The following ITPR2 variants were observed in gnomAD, a reference collection of about 807,000 sequenced individuals.
The protein encoded by ITPR2 is inositol 1,4,5-trisphosphate receptor type 2.
ITPR2 carries 207 observed loss-of-function variants against 317.1 expected under a neutral mutation model. The observed-to-expected ratio is 0.65, with a 90% CI of 0.58 to 0.73. The LOEUF is 0.73. ITPR2 is among the 30% of genes least tolerant of loss of function. The probability of loss-of-function intolerance (pLI) is 0.00; values close to 1 mark genes in which losing one functional copy is unlikely to be tolerated. For synonymous variants in ITPR2, 1,156 were observed against 1,149.1 expected (o/e 1.01, Z -0.12); for missense variants, 2,613 against 3,284.0 (o/e 0.80, Z 4.99).
At chr12:26,810,039 A>G (rs1347193000) in intron 1 of ITPR2, among the ~76,000 whole-genome samples, 2 of 152,256 alleles carry the variant, frequency 1.3e-5, no homozygotes, top group African/African-American at 2.4e-5. Context: ...CATCCACGCA[A>G]GATGATGGCA....
chr12:26,646,420 A>T (rs1276320554), intron 21 of ITPR2, among the ~76,000 whole-genome samples: 1 of 152,174 alleles, frequency 6.6e-6, no homozygotes, highest in East Asian at 1.9e-4. Context: ...TTCAAGGTAG[A>T]TAATGTGCAG....
Position 26,602,719 on chromosome 12 carries a change from C to T in ITPR2, c.3463-13G>A, listed in dbSNP as rs763577789. 75 of 1,488,812 alleles carry T rather than the reference C, an allele frequency of 5.0e-5. No homozygotes were observed. Among genetic ancestry groups the T allele is most frequent in the Middle Eastern group, 1.7e-4 (1 of 5,790 alleles). 92.2% of individuals were successfully genotyped at this position (1,488,812 alleles called of 1,614,324 possible). The stretch of plus-strand genomic sequence containing the variant: ...AAATGTTTGATTCCTAAAAGGAACA[C>T]AAATATGTACTTTTATGCCATTTGT... On this transcript the variant is annotated splice_polypyrimidine_tract_variant and intron_variant, in intron 26 of 56. Coordinates refer to ENST00000381340, the MANE Select transcript of ITPR2 (RefSeq NM_002223.4).
intron 45 of ITPR2, among the ~76,000 whole-genome samples, chr12:26,458,491 G>C (rs12308269): frequency 6.6e-6 from 1 of 152,066 alleles, no homozygotes; most frequent in East Asian, 1.9e-4. Flanking sequence ...GTCACCACCT[G>C]CACCCAAAGC....
At chr12:26,691,036 G>T (rs1948230555) in intron 10 of ITPR2, among the ~76,000 whole-genome samples, 1 of 152,182 alleles carries the variant, frequency 6.6e-6, no homozygotes, top group Non-Finnish European at 1.5e-5. Context: ...TTAAAACAGT[G>T]CTGTAGCCTT....
chr12:26,516,135 G>T (rs1943484113), intron 37 of ITPR2, among the ~76,000 whole-genome samples: 1 of 114,762 alleles, frequency 8.7e-6, no homozygotes, highest in Non-Finnish European at 1.7e-5. Context: ...AAAGAAAAAA[G>T]AAAAGAAAAG....
Position 26,428,018 on chromosome 12 carries a change from G to A in ITPR2, c.6840C>T (p.Phe2280=), listed in dbSNP as rs762839208. 2.3e-5 allele frequency: 37 copies of A among 1,612,890 alleles called. 1 individual carries two copies. The highest frequency in any genetic ancestry group is 2.8e-5 in the Non-Finnish European group (33 of 1,179,368). Residue 2280 remains phenylalanine, a synonymous_variant, in exon 49 of 57, where the codon TTC becomes TTT. Transcript: ENST00000381340. ...AVAICTSMLF[F]FSKPVGIRPF... ...GCCGAATACCCACAGGCTTGGAGAA[G>A]AAAAACAGCATAGATGTGCAGATCG...
intron 45 of ITPR2, among the ~76,000 whole-genome samples, chr12:26,470,386 G>A (rs1427107916): frequency 2.6e-5 from 4 of 152,006 alleles, no homozygotes; most frequent in Non-Finnish European, 5.9e-5. Context: ...AAATTATTCT[G>A]AAAACATAAA....
At chr12:26,797,985 C>T (rs1288001064) in intron 1 of ITPR2, among the ~76,000 whole-genome samples, 9 of 152,072 alleles carry the variant, frequency 5.9e-5, no homozygotes, top group Non-Finnish European at 1.0e-4. Context: ...AGCCACTGCG[C>T]CCAGCAGAAT....
intron 9 of ITPR2, among the ~76,000 whole-genome samples, chr12:26,706,543 A>G (rs1238307426): frequency 6.6e-6 from 1 of 151,942 alleles, no homozygotes; most frequent in Non-Finnish European, 1.5e-5. Context: ...CCTCTTCCCC[A>G]TGTGCCTTAC....
chr12:26,693,061 C>T (rs1436272340), intron 10 of ITPR2, among the ~76,000 whole-genome samples: 1 of 152,182 alleles, frequency 6.6e-6, no homozygotes, highest in African/African-American at 2.4e-5. Flanking sequence ...TATGGCTCCA[C>T]ATTCTCAATT....
intron 54 of ITPR2, among the ~76,000 whole-genome samples, chr12:26,388,630 C>CT (rs537635641): frequency 1.7e-3 from 255 of 147,224 alleles, no homozygotes; most frequent in African/African-American, 4.6e-3. Context: ...ATTTTTGTAT[C>CT]TTTTTTTTTT....
chr12:26,658,063 T>C lies in ITPR2; in HGVS notation c.1954A>G (p.Ile652Val). The change falls in exon 17 of 57, where the codon ATC becomes GTC. Residue 652 changes from isoleucine (I) to valine (V), a missense_variant. Physicochemically the swap from Ile to Val is conservative, Grantham distance 29. Transcript: ENST00000381340. ...CCTGGACTCAACATAAATTTACAGA[T>C]GAGTTCTTGAGTTACAGGGATAGCA... Reference protein sequence around the residue: ...TTAIPVTQELICKFMLSPGNA... With the variant: ...TTAIPVTQELVCKFMLSPGNA... 6.2e-7 allele frequency: 1 copy of C among 1,612,832 alleles called. No homozygotes were observed. The highest frequency in any genetic ancestry group is 8.5e-7 in the Non-Finnish European group (1 of 1,179,152).
At chr12:26,712,941 C>T (rs1420761142) in intron 8 of ITPR2, among the ~76,000 whole-genome samples, 1 of 152,206 alleles carries the variant, frequency 6.6e-6, no homozygotes, top group Non-Finnish European at 1.5e-5. Context: ...TGTGTGTGGC[C>T]CTCAGGACCA....
chr12:26,651,477 T>C (rs544447725), intron 21 of ITPR2, among the ~76,000 whole-genome samples: 13 of 152,364 alleles, frequency 8.5e-5, no homozygotes, highest in African/African-American at 2.9e-4. Flanking sequence ...TTCATTTCAT[T>C]TCTTCTTGGG....
At chr12:26,796,651 G>A (rs1288799361) in intron 1 of ITPR2, among the ~76,000 whole-genome samples, 4 of 152,232 alleles carry the variant, frequency 2.6e-5, no homozygotes, top group South Asian at 2.1e-4. Context: ...AGACATGTAC[G>A]AACAAGAGTG....
At chr12:26,720,661 T>C (rs1318881265) in intron 5 of ITPR2, among the ~76,000 whole-genome samples, 1 of 152,222 alleles carries the variant, frequency 6.6e-6, no homozygotes, top group Non-Finnish European at 1.5e-5. Flanking sequence ...GTTTCAGCCA[T>C]GCTTTCTGAA....
At chr12:26,610,086 T>C (rs1946227822) in intron 26 of ITPR2, among the ~76,000 whole-genome samples, 1 of 152,194 alleles carries the variant, frequency 6.6e-6, no homozygotes, top group Admixed American at 6.5e-5. Context: ...CCAAAACTAA[T>C]GAATAAAAGC....
In ITPR2 at chr12:26,541,146, TAAAAAA is replaced by T. The variant is rs3058665; in HGVS notation, c.5073+9095_5073+9100del. On this transcript the variant is annotated intron_variant, in intron 37 of 56. Transcript: ENST00000381340. Reference sequence around the variant, plus strand: ...AACATGGTGAAACCCCATCTCTGCTTAAAAAAAAAAAAAAAAAAAAATTAGCTGGAC... The same window carrying T: ...AACATGGTGAAACCCCATCTCTGCTTAAAAAAAAAAAAAAATTAGCTGGAC... 6.0e-4 allele frequency among the ~76,000 whole-genome samples: 66 copies of T among 110,120 alleles called. No homozygotes were observed. The East Asian group carries it at 9.9e-3, about 17-fold the overall frequency. 72.2% of individuals were successfully genotyped at this position (110,120 alleles called of 152,430 possible).
chr12:26,472,760 T>C (rs777665835), intron 45 of ITPR2, among the ~76,000 whole-genome samples: 4 of 152,236 alleles, frequency 2.6e-5, no homozygotes, highest in Non-Finnish European at 5.9e-5. Flanking sequence ...TGCTTTATGT[T>C]TTCTATCATC....
Sources: allele counts gnomAD v4.1 joint callset (sites outside exome capture counted in the v4.1 genomes callset), GRCh38; gene constraint gnomAD v4.1.1; transcripts MANE v1.5; gene names NCBI Gene and HGNC (gene_info 2026-07-23, HGNC 2026-07-21).